The following DIP2A variants were observed in gnomAD, a reference collection of about 807,000 sequenced individuals.
DIP2A encodes DIP2 acetate--CoA ligase A.
A neutral mutation model predicts 177.4 loss-of-function variants in DIP2A; 85 were observed. The ratio of observed to expected loss-of-function variants is 0.48; its 90% confidence interval spans 0.40 to 0.57. DIP2A has a LOEUF of 0.57. Among genes scored for constraint, DIP2A ranks in the 20% least tolerant of loss-of-function variants. The pLI is 0.00. For missense variants in DIP2A, 1,791 were observed against 2,100.2 expected (o/e 0.85, Z 2.88); for synonymous variants, 886 against 881.8 (o/e 1.00, Z -0.08).
chr21:46,578,362 G>C, the DIP2A span, among the ~76,000 whole-genome samples: 1 of 152,288 alleles, frequency 6.6e-6, no homozygotes, highest in South Asian at 2.1e-4. Flanking sequence ...TTTGGGCTGA[G>C]ACAATGGGGT....
At chr21:46,529,762 T>A (rs1239521238) in intron 9 of DIP2A, among the ~76,000 whole-genome samples, 1 of 152,212 alleles carries the variant, frequency 6.6e-6, no homozygotes, top group Non-Finnish European at 1.5e-5. Flanking sequence ...ATTAAAAATG[T>A]TAGATTCCAG....
In DIP2A at chr21:46,511,093, C is replaced by T. The variant is rs539156575; in HGVS notation, c.905-324C>T. ...ACCTGGCTGTTCACCGCTGTGGTGC[C>T]GGGGGTAGCAGAGGTGCCACAGTCC... is the stretch of plus-strand genomic sequence containing the variant. On this transcript the variant is annotated intron_variant, in intron 7 of 37. Coordinates refer to ENST00000417564, the MANE Select transcript of DIP2A (RefSeq NM_015151.4). Among the ~76,000 whole-genome samples, 10 of 152,154 alleles carry T rather than the reference C, an allele frequency of 6.6e-5. No individual in the cohort carries two copies. The East Asian group carries it at 1.5e-3, about 24-fold the overall frequency.
chr21:46,526,670 C>T (rs2059108476), intron 8 of DIP2A, among the ~76,000 whole-genome samples: 1 of 152,184 alleles, frequency 6.6e-6, no homozygotes. Context: ...GCCAGGATTA[C>T]AGGTGTGAGC....
At chr21:46,460,349 GTTC>G (rs1457347735) in intron 1 of DIP2A, among the ~76,000 whole-genome samples, 1 of 152,190 alleles carries the variant, frequency 6.6e-6, no homozygotes, top group Non-Finnish European at 1.5e-5. Context: ...AAAGAGTTAA[GTTC>G]TTCTCCAGTG....
At chr21:46,579,796 G>C in the DIP2A span, among the ~76,000 whole-genome samples, 1 of 152,132 alleles carries the variant, frequency 6.6e-6, no homozygotes, top group African/African-American at 2.4e-5. Context: ...GTTCCATTTT[G>C]ATTCTGCTGT....
At chr21:46,543,110 A>G (rs1040071251) in intron 18 of DIP2A, among the ~76,000 whole-genome samples, 1 of 152,112 alleles carries the variant, frequency 6.6e-6, no homozygotes, top group Non-Finnish European at 1.5e-5. Flanking sequence ...CTGTAATTCT[A>G]CTGAGAAATA....
intron 23 of DIP2A, 108 bp from the exon 24 acceptor site, chr21:46,551,526 A>T: frequency 1.1e-6 from 1 of 925,540 alleles, no homozygotes; most frequent in Non-Finnish European, 1.7e-6. Context: ...TAGAAGAGTT[A>T]AATGCCTCAT....
At chr21:46,567,062 G>A (rs1378803924) in intron 37 of DIP2A, among the ~76,000 whole-genome samples, 1 of 152,232 alleles carries the variant, frequency 6.6e-6, no homozygotes, top group Non-Finnish European at 1.5e-5. Context: ...TCATCCTGAA[G>A]TGTTTCTACT....
chr21:46,563,714 G>T lies in DIP2A; in HGVS notation c.4090-144G>T. 1.5e-6 allele frequency: 2 copies of T among 1,365,768 alleles called. No homozygotes were observed. The highest frequency in any genetic ancestry group is 3.0e-5 in the Admixed American group (1 of 33,630). 84.6% of individuals were successfully genotyped at this position (1,365,768 alleles called of 1,614,324 possible). A position where few individuals can be genotyped will look rare whatever the true frequency, so the allele number is the denominator to read the frequency against. On this transcript the variant is annotated intron_variant, in intron 34 of 37. Transcript: ENST00000417564. The surrounding 1 kb of genome is among the most constrained non-coding windows in gnomAD (Gnocchi z 4.3). Reference sequence around the variant, plus strand: ...CTTTCAAAATTCAAAGTCAAATTTGGAGCGGCCTCTAAACTTCCTGACCTG... The same window carrying T: ...CTTTCAAAATTCAAAGTCAAATTTGTAGCGGCCTCTAAACTTCCTGACCTG...
At chr21:46,554,383 C>T in intron 26 of DIP2A, 91 bp downstream of exon 26, 1 of 1,566,486 alleles carries the variant, frequency 6.4e-7, no homozygotes, top group African/African-American at 1.4e-5. Context: ...CCCGAAGCAT[C>T]TTCCAAAACT....
At chr21:46,561,428 T>A (rs912860046) in intron 33 of DIP2A, 3 of 401,890 alleles carry the variant, frequency 7.5e-6, no homozygotes, top group South Asian at 6.5e-5. Flanking sequence ...ATGGCCACAC[T>A]GTAGCTTGAT....
intron 2 of DIP2A, among the ~76,000 whole-genome samples, chr21:46,487,029 A>T (rs1228686024): frequency 2.6e-5 from 4 of 152,226 alleles, no homozygotes; most frequent in African/African-American, 9.7e-5. Context: ...GAGCTGGTGT[A>T]GTGAGTCCAG....
rs2060076847 is a variant in DIP2A at position 46,546,993 on chromosome 21, G to A, written c.2473G>A (p.Val825Met). Residue 825 changes from valine (V) to methionine (M), a missense_variant, in exon 21 of 38, where the codon GTG becomes ATG. Transcript: ENST00000417564. ...TCGCAGACACAATGCAGATGACGTT[G>A]TGGCCACCGCACTGGCCGTGGAGCC... The part of the protein sequence containing the change: ...GVRRHNADDV[V>M]ATALAVEPMK... 1 of 1,614,010 alleles carries A rather than the reference G, an allele frequency of 6.2e-7. No homozygotes were observed. Among genetic ancestry groups the A allele is most frequent in the Non-Finnish European group, 8.5e-7 (1 of 1,179,880 alleles).
intron 1 of DIP2A, among the ~76,000 whole-genome samples, chr21:46,468,362 G>T (rs1387229039): frequency 1.3e-5 from 2 of 151,632 alleles, no homozygotes; most frequent in East Asian, 3.9e-4. Flanking sequence ...CTGGGAGGTG[G>T]AGGCTGCAGT....
chr21:46,541,731 A>G, intron 17 of DIP2A, 25 bp from the exon 18 acceptor site: 1 of 1,613,604 alleles, frequency 6.2e-7, no homozygotes, highest in Non-Finnish European at 8.5e-7. Context: ...TCGTCAGTTA[A>G]ACCCATGGTG....
At chr21:46,575,663 A>G in the DIP2A span, among the ~76,000 whole-genome samples, 1 of 152,242 alleles carries the variant, frequency 6.6e-6, no homozygotes, top group African/African-American at 2.4e-5. Context: ...TGACAATAGC[A>G]TCAAAAAATA....
chr21:46,529,264 A>C lies in DIP2A; in HGVS notation c.1194+81A>C, dbSNP rs533051404. 8.0e-5 allele frequency: 73 copies of C among 908,792 alleles called. 2 individuals carry two copies. In the South Asian group the frequency reaches 9.1e-4, roughly 11 times the overall value. The allele number at this position is 908,792 out of a possible 1,614,324, so 56.3% of individuals were successfully genotyped here. ...TCTGTTTCATTGAAATTAGTGTTCT[A>C]TCATTTAGTTAGAATTACAGCATTA... On this transcript the variant is annotated intron_variant, in intron 9 of 37. Coordinates refer to ENST00000417564, the MANE Select transcript of DIP2A (RefSeq NM_015151.4).
At position 46,504,483 on chromosome 21, in the gene DIP2A, G is replaced by A. The variant is rs2057869570; in HGVS notation, c.778G>A (p.Ala260Thr). 1.9e-6 allele frequency: 3 copies of A among 1,606,228 alleles called. No individual in the cohort carries two copies. Among genetic ancestry groups the A allele is most frequent in the South Asian group, 2.2e-5 (2 of 90,464 alleles). The change falls in exon 6 of 38, where the codon GCA becomes ACA. Residue 260 changes from alanine (A) to threonine (T), a missense_variant. Physicochemically the swap from Ala to Thr is moderately conservative, Grantham distance 58. Transcript: ENST00000417564. ...GTGCAGCGGGAGCATGCTGGAAACA[G>A]CAGATGGTGAGCCTGCCTCTCTTTC... is the stretch of plus-strand genomic sequence containing the variant. The part of the protein sequence containing the change: ...RGCSGSMLET[A>T]DGVPVNSRVS...
At position 46,545,248 on chromosome 21, in the gene DIP2A, T is replaced by G; in HGVS notation, c.2288T>G (p.Leu763Arg). 6.2e-7 allele frequency: 1 copy of G among 1,600,092 alleles called. No homozygotes were observed. ...SATGTAYYGL[L>R]GITKNVFEAV... is the part of the protein sequence containing the mutation. ...ACTGGCACAGCGTACTATGGATTGC[T>G]TGGAATCACGAAGAATGTGTTTGAG... Residue 763 changes from leucine (L) to arginine (R), a missense_variant, in exon 19 of 38, where the codon CTT becomes CGT. By Grantham distance (102) the Leu-to-Arg change is moderately radical. Transcript: ENST00000417564.
Sources: gnomAD v4.1 joint callset for allele counts (sites outside exome capture counted in the v4.1 genomes callset) on GRCh38, gnomAD v4.1.1 for gene constraint, Gnocchi (gnomAD v3.1) non-coding constraint, MANE v1.5 for transcripts, NCBI Gene and HGNC (gene_info 2026-07-23, HGNC 2026-07-21) for gene names.